Variants in XIRP2 observed in about 807,000 individuals in gnomAD.
XIRP2 encodes xin actin binding repeat containing 2, also known as xin actin-binding repeat-containing protein 2.
Under a neutral mutation model 277.0 loss-of-function variants are expected in XIRP2, and 236 were observed. The ratio of observed to expected loss-of-function variants is 0.85; its 90% CI spans 0.77 to 0.95. The LOEUF is 0.95. Ranked by LOEUF, XIRP2 falls within the 40% of genes least tolerant of loss-of-function variation. The pLI, the probability that XIRP2 is intolerant of heterozygous loss-of-function variation, is 0.00. For missense variants in XIRP2, 4,640 were observed against 4,157.5 expected (o/e 1.12, Z -3.19); for synonymous variants, 1,490 against 1,416.5 (o/e 1.05, Z -1.17).
chr2:167,024,636 C>A (rs1351661236), intron 2 of XIRP2, among the ~76,000 whole-genome samples: 1 of 152,088 alleles, frequency 6.6e-6, no homozygotes, highest in Non-Finnish European at 1.5e-5. Context: ...CCATCAATAC[C>A]TAATGTATTG....
At position 167,027,430 on chromosome 2, in the gene XIRP2, A is replaced by C. The variant is rs148850829; in HGVS notation, c.409-108479A>C. ...CTAATTTTTTTTCAAAAAGTTTCTA[A>C]CTTCTTTGCCATTGGTTTGAATTTC... is the stretch of plus-strand genomic sequence containing the variant. On this transcript the variant is annotated intron_variant, in intron 2 of 10. Coordinates refer to ENST00000409195, the MANE Select transcript of XIRP2 (RefSeq NM_152381.6). Among the ~76,000 whole-genome samples the C allele has an allele frequency of 6.3e-3, 953 of 152,040 alleles. 81 individuals carry two copies. The East Asian group carries it at 0.16, about 26-fold the overall frequency.
intron 2 of XIRP2, among the ~76,000 whole-genome samples, chr2:166,986,873 G>A (rs1687020974): frequency 6.6e-6 from 1 of 152,182 alleles, no homozygotes; most frequent in Admixed American, 6.5e-5. Flanking sequence ...CACATATTGA[G>A]GAAGAAGTAG....
At chr2:167,001,684 A>T (rs755151683) in intron 2 of XIRP2, among the ~76,000 whole-genome samples, 2 of 152,172 alleles carry the variant, frequency 1.3e-5, no homozygotes, top group Non-Finnish European at 2.9e-5. Flanking sequence ...AAAACTTAGG[A>T]TTTTGTAAGT....
At chr2:166,907,802 C>T (rs1389079056) in intron 2 of XIRP2, among the ~76,000 whole-genome samples, 1 of 122,852 alleles carries the variant, frequency 8.1e-6, no homozygotes, top group African/African-American at 3.1e-5. Flanking sequence ...GTGTGATGTT[C>T]CCCTTCCTGT....
rs1692172437 is a variant in XIRP2 at position 167,155,646 on chromosome 2, A to C, written c.562+19584A>C. 2.0e-5 allele frequency among the ~76,000 whole-genome samples: 3 copies of C among 152,192 alleles called. No homozygotes were observed. In the East Asian group the frequency reaches 5.8e-4, roughly 29 times the overall value. ...CAAACCCACAGCCAATATCATACTG[A>C]ATGCGCAAAAACTGGAAGCATTCCC... is the stretch of plus-strand genomic sequence containing the variant. On this transcript the variant is annotated intron_variant, in intron 3 of 10. Coordinates refer to ENST00000409195, the MANE Select transcript of XIRP2 (RefSeq NM_152381.6).
chr2:167,103,901 T>C (rs1211742968), intron 2 of XIRP2, among the ~76,000 whole-genome samples: 1 of 152,204 alleles, frequency 6.6e-6, no homozygotes, highest in Non-Finnish European at 1.5e-5. Flanking sequence ...AGTTACTGCA[T>C]TATTACCAGC....
At position 167,254,097 on chromosome 2, in the gene XIRP2, C is replaced by T. The variant is rs749532362; in HGVS notation, c.10621C>T (p.Pro3541Ser). 16 of 1,610,720 alleles carry T rather than the reference C, an allele frequency of 9.9e-6. No homozygotes were observed. The African/African-American group carries it at 1.7e-4, about 18-fold the overall frequency. The change falls in exon 10 of 11, where the codon CCT (proline) becomes TCT (serine). Residue 3541 changes from proline (P) to serine (S), a missense_variant. Transcript: ENST00000409195. ...AAAAGACAGTTTATCCAATGGAGTG[C>T]CTAGTGGCAGACAAGCAGAATTTTC... Reference protein sequence around the residue: ...LSKDSLSNGVPSGRQAEFS With the variant: ...LSKDSLSNGVSSGRQAEFS
chr2:167,026,405 A>G (rs1465965781), intron 2 of XIRP2, among the ~76,000 whole-genome samples: 1 of 152,130 alleles, frequency 6.6e-6, no homozygotes, highest in African/African-American at 2.4e-5. Flanking sequence ...TTGACTCTTT[A>G]TCCAATTTTC....
In XIRP2 at chr2:167,247,398, G is replaced by A. The variant is rs1209847775; in HGVS notation, c.6006G>A (p.Gly2002=). 6.2e-7 allele frequency: 1 copy of A among 1,613,608 alleles called. No individual in the cohort carries two copies. Among genetic ancestry groups the A allele is most frequent in the Admixed American group, 1.7e-5 (1 of 59,964 alleles). Residue 2002 remains glycine (G), a synonymous_variant, in exon 9 of 11, where the codon GGG becomes GGA. Coordinates refer to ENST00000409195, the MANE Select transcript of XIRP2 (RefSeq NM_152381.6). ...GGADTLSQTM[G]KSCHGNLVEE... is the part of the protein sequence containing the mutation. ...CAGATACTCTCAGTCAAACTATGGG[G>A]AAATCTTGCCATGGCAATTTAGTAG...
rs1031728004 is a variant in XIRP2, at chr2:167,010,976, C to G, written c.408+107086C>G. Among the ~76,000 whole-genome samples, 363 of 151,412 alleles carry G rather than the reference C, an allele frequency of 2.4e-3. 1 individual carries two copies. The highest frequency in any genetic ancestry group is 8.0e-3 in the African/African-American group (330 of 41,114). ...TCAGCTTAAGGAGATTTTGGGCTGA[C>G]ACAATGGGGTTTTCTAGATATACAA... is the stretch of plus-strand genomic sequence containing the variant. On this transcript the variant is annotated intron_variant, in intron 2 of 10. Transcript: ENST00000409195.
In XIRP2 at chr2:167,245,023, T is replaced by G; in HGVS notation, c.3631T>G (p.Ser1211Ala). The change falls in exon 9 of 11, where the codon TCT becomes GCT. Residue 1211 changes from serine to alanine, a missense_variant. Physicochemically the swap from Ser to Ala is moderately conservative, Grantham distance 99. Transcript: ENST00000409195. The stretch of plus-strand genomic sequence containing the variant: ...TAAATTTGAAAATCAGTCCTTAGAT[T>G]CTATAAGTTCTAGTTCAGAGGAAGT... ...RYKFENQSLD[S>A]ISSSSEEVLK... The G allele has an allele frequency of 5.6e-6, 9 of 1,613,204 alleles. No homozygotes were observed. The highest frequency in any genetic ancestry group is 7.6e-6 in the Non-Finnish European group (9 of 1,179,642).
chr2:166,969,100 T>G (rs977906495), intron 2 of XIRP2, among the ~76,000 whole-genome samples: 2 of 152,004 alleles, frequency 1.3e-5, no homozygotes, highest in African/African-American at 4.8e-5. Flanking sequence ...GGGAAAATAT[T>G]GCTTTCCAGA....
intron 2 of XIRP2, among the ~76,000 whole-genome samples, chr2:167,085,502 G>A (rs1689909179): frequency 1.3e-5 from 2 of 151,836 alleles, no homozygotes; most frequent in African/African-American, 4.8e-5. Context: ...TATCCTTGTT[G>A]ACTTTCTGTC....
chr2:166,953,976 A>G (rs572753201), intron 2 of XIRP2, among the ~76,000 whole-genome samples: 2 of 152,122 alleles, frequency 1.3e-5, no homozygotes, highest in Admixed American at 1.3e-4. Flanking sequence ...AAGAAATCAT[A>G]GGAATTTTCC....
At chr2:167,215,819 T>C (rs868662343) in intron 4 of XIRP2, among the ~76,000 whole-genome samples, 3 of 152,198 alleles carry the variant, frequency 2.0e-5, no homozygotes, top group South Asian at 4.1e-4. Context: ...CTCTGGAATG[T>C]GCTGAATCAT....
intron 3 of XIRP2, among the ~76,000 whole-genome samples, chr2:167,197,980 A>C (rs1693565747): frequency 6.6e-6 from 1 of 152,236 alleles, no homozygotes; most frequent in Non-Finnish European, 1.5e-5. Context: ...GGAGTAAAAT[A>C]AACAGCATAA....
chr2:167,119,253 T>C (rs898332336), intron 2 of XIRP2, among the ~76,000 whole-genome samples: 3 of 152,164 alleles, frequency 2.0e-5, no homozygotes, highest in Non-Finnish European at 4.4e-5. Flanking sequence ...TCACATTAGA[T>C]AAACATTGGC....
At chr2:167,107,737 T>G (rs1690652150) in intron 2 of XIRP2, among the ~76,000 whole-genome samples, 1 of 151,774 alleles carries the variant, frequency 6.6e-6, no homozygotes, top group Non-Finnish European at 1.5e-5. Context: ...ATCAATGGAA[T>G]ACTAGCCTCA....
chr2:167,000,293 G>A (rs1179002436), intron 2 of XIRP2, among the ~76,000 whole-genome samples: 2 of 152,126 alleles, frequency 1.3e-5, no homozygotes, highest in African/African-American at 2.4e-5. Flanking sequence ...CCCACACATA[G>A]TGATTGTTTC....
Sources: gnomAD v4.1 joint callset for allele counts (sites outside exome capture counted in the v4.1 genomes callset) on GRCh38, gnomAD v4.1.1 for gene constraint, MANE v1.5 for transcripts, NCBI Gene and HGNC (gene_info 2026-07-23, HGNC 2026-07-21) for gene names.